Variants in PAQR5 observed in about 807,000 individuals in gnomAD.
PAQR5 encodes membrane progestin receptor gamma.
PAQR5 carries 20 observed loss-of-function variants against 34.5 expected under a neutral mutation model. The observed-to-expected ratio is 0.58, with a 90% confidence interval of 0.41 to 0.84. The LOEUF (loss-of-function observed/expected upper bound fraction) is 0.84, where lower values mean the gene tolerates loss of function less well. PAQR5 is among the 40% of genes least tolerant of loss of function. The pLI, the probability that PAQR5 is intolerant of heterozygous loss-of-function variation, is 0.00. For missense variants in PAQR5, 378 were observed against 412.7 expected (o/e 0.92, Z 0.73); for synonymous variants, 131 against 155.6 (o/e 0.84, Z 1.18).
intron 6 of PAQR5, among the ~76,000 whole-genome samples, chr15:69,394,263 T>C (rs1420508358): frequency 1.3e-5 from 2 of 152,052 alleles, no homozygotes; most frequent in African/African-American, 4.8e-5. Context: ...GGAGCTGACC[T>C]GGAAGGGGTT....
chr15:69,360,166 A>G, intron 3 of PAQR5, 35 bp downstream of exon 3: 1 of 1,560,978 alleles, frequency 6.4e-7, no homozygotes, highest in Non-Finnish European at 8.8e-7. Context: ...GTTCATTTCC[A>G]GAGTGTGACC....
chr15:69,317,614 C>G (rs945934535), intron 1 of PAQR5, among the ~76,000 whole-genome samples: 1 of 152,156 alleles, frequency 6.6e-6, no homozygotes, highest in African/African-American at 2.4e-5. Context: ...TTACAATCCC[C>G]CCAGTCCCAG....
intron 2 of PAQR5, among the ~76,000 whole-genome samples, chr15:69,350,279 T>C (rs561304410): frequency 6.6e-6 from 1 of 152,274 alleles, no homozygotes; most frequent in East Asian, 1.9e-4. Flanking sequence ...AAATAGAAAG[T>C]CTACTACGAT....
At chr15:69,383,596 G>A (rs1284371174) in intron 4 of PAQR5, among the ~76,000 whole-genome samples, 2 of 136,334 alleles carry the variant, frequency 1.5e-5, no homozygotes, top group Non-Finnish European at 3.1e-5. Context: ...ATGGTGGAGG[G>A]TGAGTGGGCC....
chr15:69,399,868 T>C, intron 7 of PAQR5, 106 bp from the exon 8 acceptor site: 1 of 1,127,086 alleles, frequency 8.9e-7, no homozygotes, highest in South Asian at 1.5e-5. Flanking sequence ...TGCTAACATG[T>C]GTGGGTGTCA....
At chr15:69,318,715 A>G (rs1430371733) in intron 1 of PAQR5, among the ~76,000 whole-genome samples, 1 of 151,886 alleles carries the variant, frequency 6.6e-6, no homozygotes, top group South Asian at 2.1e-4. Flanking sequence ...ATAGTACTAA[A>G]CCTGGTATAT....
intron 2 of PAQR5, among the ~76,000 whole-genome samples, chr15:69,346,018 T>C (rs895117632): frequency 6.6e-6 from 1 of 152,256 alleles, no homozygotes; most frequent in African/African-American, 2.4e-5. Flanking sequence ...TTTACAGTTA[T>C]GTTTTGACTT....
At chr15:69,329,360 T>G (rs1017997681) in intron 1 of PAQR5, among the ~76,000 whole-genome samples, 1 of 150,400 alleles carries the variant, frequency 6.6e-6, no homozygotes, top group Admixed American at 6.7e-5. Flanking sequence ...GGGAAGGAGG[T>G]GGGGGATGAA....
chr15:69,306,563 C>T (rs1185685054), intron 1 of PAQR5, among the ~76,000 whole-genome samples: 1 of 151,966 alleles, frequency 6.6e-6, no homozygotes, highest in Admixed American at 6.6e-5. Context: ...AGGCGCACAC[C>T]ACCACTAATT....
intron 7 of PAQR5, 47 bp downstream of exon 7, chr15:69,397,611 A>C (rs1452728725): frequency 7.9e-7 from 1 of 1,264,044 alleles, no homozygotes; most frequent in African/African-American, 1.5e-5. Flanking sequence ...AACACCAGGA[A>C]GTCAGTTGTT....
At position 69,359,692 on chromosome 15, in the gene PAQR5, GC is replaced by G. The variant is rs2055182791; in HGVS notation, c.-115-272del. ...CTGTCTGCTTGTGGATTTCATTTCT[GC>G]CTTTTAGATTTTACTTTTTCTTTCT... On this transcript the variant is annotated intron_variant, in intron 2 of 8. Transcript: ENST00000395407. 5.3e-5 allele frequency among the ~76,000 whole-genome samples: 8 copies of G among 152,132 alleles called. 1 individual carries two copies. In the South Asian group the frequency reaches 1.7e-3, roughly 32 times the overall value.
chr15:69,396,779 G>C (rs2056447886), intron 6 of PAQR5: 1 of 242,812 alleles, frequency 4.1e-6, no homozygotes, highest in Non-Finnish European at 8.1e-6. Context: ...GTCAGCTGAG[G>C]CCCTGTCATG....
intron 2 of PAQR5, among the ~76,000 whole-genome samples, chr15:69,343,782 G>A (rs1248044158): frequency 6.6e-6 from 1 of 152,156 alleles, no homozygotes; most frequent in African/African-American, 2.4e-5. Context: ...GATAGTGTCT[G>A]AAGTTGATTG....
At chr15:69,358,938 A>G (rs2055155644) in intron 2 of PAQR5, among the ~76,000 whole-genome samples, 1 of 152,086 alleles carries the variant, frequency 6.6e-6, no homozygotes, top group South Asian at 2.1e-4. Flanking sequence ...TTTTATGATC[A>G]CTGTCTTAGT....
intron 7 of PAQR5, 53 bp downstream of exon 7, chr15:69,397,617 T>C: frequency 8.3e-7 from 1 of 1,211,476 alleles, no homozygotes; most frequent in Non-Finnish European, 1.2e-6. Flanking sequence ...AGGAAGTCAG[T>C]TGTTTTCCTG....
At chr15:69,332,618 G>A (rs72756368) in intron 1 of PAQR5, among the ~76,000 whole-genome samples, 5,663 of 151,672 alleles carry the variant, frequency 0.037, 215 homozygotes, top group East Asian at 0.14. Flanking sequence ...TTTTAGTCTT[G>A]GCTTCTGGAA....
At chr15:69,300,655 T>C (rs1299477310) in intron 1 of PAQR5, among the ~76,000 whole-genome samples, 2 of 27,252 alleles carry the variant, frequency 7.3e-5, no homozygotes, top group Non-Finnish European at 1.0e-4. Context: ...CTTTCTTTTC[T>C]TTCTTTCTTT....
At chr15:69,330,685 C>T (rs1466597974) in intron 1 of PAQR5, among the ~76,000 whole-genome samples, 1 of 152,210 alleles carries the variant, frequency 6.6e-6, no homozygotes, top group African/African-American at 2.4e-5. Context: ...CACCCCCCAA[C>T]CACCAACCAA....
chr15:69,320,536 T>G (rs1032576793), intron 1 of PAQR5, among the ~76,000 whole-genome samples: 4 of 152,222 alleles, frequency 2.6e-5, no homozygotes, highest in African/African-American at 9.6e-5. Context: ...GCATATCATA[T>G]ATTGCTGAAA....
Sources: gnomAD v4.1 joint callset for allele counts (sites outside exome capture counted in the v4.1 genomes callset) on GRCh38, gnomAD v4.1.1 for gene constraint, MANE v1.5 for transcripts, NCBI Gene and HGNC (gene_info 2026-07-23, HGNC 2026-07-21) for gene names.